POLE: variants seen among roughly 807,000 people sequenced by gnomAD.
POLE encodes the protein DNA polymerase epsilon catalytic subunit A.
POLE carries 188 observed loss-of-function variants against 279.2 expected under a neutral mutation model. The observed-to-expected ratio is 0.67, with a 90% CI of 0.60 to 0.76. The LOEUF (loss-of-function observed/expected upper bound fraction) is 0.76. Ranked by LOEUF, POLE falls within the 30% of genes least tolerant of loss-of-function variation. POLE has a pLI of 0.00. For missense variants in POLE, 2,703 were observed against 3,016.7 expected, an observed-to-expected ratio of 0.90 and a Z score of 2.44; for synonymous variants, 1,214 against 1,172.5, an observed-to-expected ratio of 1.04 and a Z score of -0.72.
In POLE at chr12:132,642,510, T is replaced by C. The variant is rs1060500881; in HGVS notation, c.4948A>G (p.Ser1650Gly). The change falls in exon 37 of 49, where the codon AGC (serine) becomes GGC (glycine). Residue 1650 changes from serine to glycine, a missense_variant. Ser to Gly is a moderately conservative substitution (Grantham distance 56). Transcript: ENST00000320574. ...DTCLSQAFEM[S>G]RYFHIPIGNL... is the part of the protein sequence containing the mutation. ...CAACGACAGTACTGTGCTCACCTGC[T>C]CATCTCGAAGGCCTGCGACAGGCAG... 6.2e-7 allele frequency: 1 copy of C among 1,613,410 alleles called. No homozygotes were observed. Among genetic ancestry groups the C allele is most frequent in the Non-Finnish European group, 8.5e-7 (1 of 1,179,890 alleles).
intron 41 of POLE, among the ~76,000 whole-genome samples, chr12:132,636,461 A>AG (rs1227893351): frequency 6.6e-6 from 1 of 151,234 alleles, no homozygotes; most frequent in Non-Finnish European, 1.5e-5. Context: ...AAAAAAAAAA[A>AG]AAAAAAAGAA....
chr12:132,642,205 C>G lies in POLE; in HGVS notation c.5145G>C (p.Glu1715Asp). 6.3e-7 allele frequency: 1 copy of G among 1,598,900 alleles called. No homozygotes were observed. Among genetic ancestry groups the G allele is most frequent in the Non-Finnish European group, 8.5e-7 (1 of 1,172,550 alleles). ...VMEFDDQATV[E>D]INSSGCYSTV... is the part of the protein sequence containing the mutation. ...TGGAGTAACAGCCTGAACTGTTGAT[C>G]TCAACAGTGGCTTGGTCATCGAACT... The change falls in exon 38 of 49, where the codon GAG becomes GAC. Residue 1715 changes from glutamate (E) to aspartate (D), a missense_variant. Physicochemically the swap from Glu to Asp is conservative, Grantham distance 45. Around this residue, in one of 5 missense-constraint regions of POLE, gnomAD observed 1,551 missense variants for 1,686.1 expected, o/e 0.92. Coordinates refer to ENST00000320574, the MANE Select transcript of POLE (RefSeq NM_006231.4).
chr12:132,668,947 G>C lies in POLE; in HGVS notation c.1795-8C>G. On this transcript the variant is annotated splice_polypyrimidine_tract_variant and splice_region_variant and intron_variant, in intron 16 of 48. Transcript: ENST00000320574. The surrounding 1 kb of genome is among the most constrained non-coding windows in gnomAD (Gnocchi z 4.0). ...CTTAATCTCATCACACACCTGCAGA[G>C]AAAGCGAAACTCAGTAGAGGCTGGT... 1 of 1,613,376 alleles carries C rather than the reference G, an allele frequency of 6.2e-7. No homozygotes were observed.
chr12:132,681,091 A>T (rs1435914534), intron 2 of POLE, 47 bp downstream of exon 2: 1 of 1,608,286 alleles, frequency 6.2e-7, no homozygotes, highest in Non-Finnish European at 8.5e-7. Context: ...CTATGACCAG[A>T]AGGGTTGCAG....
chr12:132,671,699 A>G (rs1435743821), intron 16 of POLE, among the ~76,000 whole-genome samples: 2 of 151,436 alleles, frequency 1.3e-5, no homozygotes, highest in African/African-American at 4.8e-5. Flanking sequence ...AAAAAAAAAA[A>G]AAAGACCTGA....
In POLE at chr12:132,649,810, G is replaced by C. The variant is rs2042381974; in HGVS notation, c.3662C>G (p.Pro1221Arg). The C allele has an allele frequency of 1.2e-6, 2 of 1,614,178 alleles. No homozygotes were observed. Among genetic ancestry groups the C allele is most frequent in the Non-Finnish European group, 1.7e-6 (2 of 1,180,038 alleles). Reference protein sequence around the residue: ...DMEDFGLVKLPHPAAPVTVKR... With the variant: ...DMEDFGLVKLRHPAAPVTVKR... ...CACAGTGACAGGGGCTGCTGGGTGA[G>C]GCAGCTTTACGAGGCCGAAGTCCTC... Residue 1221 changes from proline to arginine, a missense_variant, in exon 30 of 49, where the codon CCT (proline) becomes CGT (arginine). By Grantham distance (103) the Pro-to-Arg change is moderately radical. Around this residue, in one of 5 missense-constraint regions of POLE, gnomAD observed 1,551 missense variants for 1,686.1 expected, o/e 0.92. Transcript: ENST00000320574.
chr12:132,654,522 T>A (rs2042491023), intron 29 of POLE, among the ~76,000 whole-genome samples: 1 of 152,238 alleles, frequency 6.6e-6, no homozygotes, highest in Admixed American at 6.5e-5. Flanking sequence ...TCCATTTTTT[T>A]AGGCTTTACT....
At chr12:132,662,883 C>T (rs1247867040) in intron 23 of POLE, among the ~76,000 whole-genome samples, 1 of 152,194 alleles carries the variant, frequency 6.6e-6, no homozygotes, top group Non-Finnish European at 1.5e-5. Flanking sequence ...CAAATCCACA[C>T]TGATGTCAAT....
At position 132,624,460 on chromosome 12, in the gene POLE, G is replaced by T. The variant is rs919066587; in HGVS notation, c.*237C>A. ...CCAGGGCACTCGCAGCCTCGCTCACGGCCTGCTTCTTCAGGTGCTCTGGCG... is the reference window on the plus strand; with the variant it reads ...CCAGGGCACTCGCAGCCTCGCTCACTGCCTGCTTCTTCAGGTGCTCTGGCG... On this transcript the variant is annotated 3_prime_UTR_variant, in exon 49 of 49. Coordinates refer to ENST00000320574, the MANE Select transcript of POLE (RefSeq NM_006231.4). 14 of 581,232 alleles carry T rather than the reference G, an allele frequency of 2.4e-5. No homozygotes were observed. The highest frequency in any genetic ancestry group is 3.7e-5 in the Non-Finnish European group (12 of 325,324). 36.0% of individuals were successfully genotyped at this position (581,232 alleles called of 1,614,324 possible).
At chr12:132,686,494 G>A (rs1251160212) in intron 1 of POLE, among the ~76,000 whole-genome samples, 6 of 152,012 alleles carry the variant, frequency 3.9e-5, no homozygotes, top group Non-Finnish European at 7.4e-5. Context: ...CAGCACTTTG[G>A]AAGGCCGAGG....
At position 132,682,243 on chromosome 12, in the gene POLE, G is replaced by A. The variant is rs535137125; in HGVS notation, c.63-964C>T. 1.3e-4 allele frequency among the ~76,000 whole-genome samples: 19 copies of A among 148,934 alleles called. No individual in the cohort carries two copies. In the South Asian group the frequency reaches 2.1e-3, roughly 17 times the overall value. On this transcript the variant is annotated intron_variant, in intron 1 of 48. Transcript: ENST00000320574. ...CAGGAGGTGGAGCTTGCAGTGAGCC[G>A]AGAACGCGCCACCACACTCCAGCCT...
chr12:132,671,227 C>T lies in POLE; in HGVS notation c.1794+988G>A, dbSNP rs144121195. On this transcript the variant is annotated intron_variant, in intron 16 of 48. Coordinates refer to ENST00000320574, the MANE Select transcript of POLE (RefSeq NM_006231.4). The stretch of plus-strand genomic sequence containing the variant: ...GCAGTAAGCCGAGATCATGCCATTG[C>T]ACTCCAGTGTGGGTGACAGAGCAAG... Among the ~76,000 whole-genome samples the T allele has an allele frequency of 6.2e-5, 8 of 130,034 alleles. No homozygotes were observed. The East Asian group carries it at 1.9e-3, about 30-fold the overall frequency. The allele number at this position is 130,034 out of a possible 152,430, so 85.3% of individuals were successfully genotyped here.
rs1060500796 is a variant in POLE, at chr12:132,668,664, T to G, written c.1997A>C (p.Lys666Thr). 2 of 1,613,438 alleles carry G rather than the reference T, an allele frequency of 1.2e-6. No individual in the cohort carries two copies. The highest frequency in any genetic ancestry group is 1.7e-6 in the Non-Finnish European group (2 of 1,179,462). The change falls in exon 18 of 49, where the codon AAG becomes ACG. Residue 666 changes from lysine (K) to threonine (T), a missense_variant. Lys to Thr is a moderately conservative substitution (Grantham distance 78). This residue lies in a region of POLE where 1,011 missense variants were observed against 1,111.7 expected (regional missense o/e 0.91). Coordinates refer to ENST00000320574, the MANE Select transcript of POLE (RefSeq NM_006231.4). This position sits in a 1 kb window ranked among gnomAD's most constrained non-coding sequence, Gnocchi z 4.0. ...CTCGCCCCTCCACTGCCAGGCCATC[T>G]TCCGCTGGCAGTTTGCTCCAGGCTT... Reference protein sequence around the residue: ...FNKPGANCQRKMAWQWRGEFM... With the variant: ...FNKPGANCQRTMAWQWRGEFM...
chr12:132,647,218 G>A (rs2042305796), intron 32 of POLE, among the ~76,000 whole-genome samples: 1 of 152,018 alleles, frequency 6.6e-6, no homozygotes, highest in South Asian at 2.1e-4. Context: ...AGGATTGCTT[G>A]AGCCCAAGAG....
At position 132,658,881 on chromosome 12, in the gene POLE, C is replaced by CAAAAAAAAAAAAAAAAAAAAAAAAAA. The variant is rs1167117347; in HGVS notation, c.3275+388_3275+413dup. Among the ~76,000 whole-genome samples the CAAAAAAAAAAAAAAAAAAAAAAAAAA allele has an allele frequency of 9.5e-4, 32 of 33,836 alleles. 6 individuals carry two copies. The highest frequency in any genetic ancestry group is 1.5e-3 in the Non-Finnish European group (26 of 17,928). 22.2% of individuals were successfully genotyped at this position (33,836 alleles called of 152,430 possible). ...ACTGGTCCTATTTGTATATAACCAC[C>CAAAAAAAAAAAAAAAAAAAAAAAAAA]AAAAAAAAAAAAAAAAAAAAAAAAA... is the stretch of plus-strand genomic sequence containing the variant. On this transcript the variant is annotated intron_variant, in intron 26 of 48. Coordinates refer to ENST00000320574, the MANE Select transcript of POLE (RefSeq NM_006231.4).
In POLE at chr12:132,675,372, G is replaced by T. The variant is rs915558201; in HGVS notation, c.1226+26C>A. On this transcript the variant is annotated intron_variant, in intron 12 of 48. Transcript: ENST00000320574. This position sits in a 1 kb window ranked among gnomAD's most constrained non-coding sequence, Gnocchi z 4.3. Reference sequence around the variant, plus strand: ...GATCTCGCTCACGGACAGCAGTGAGGAGCCATGCTGCTCTGTGGCCCCTAC... The same window carrying T: ...GATCTCGCTCACGGACAGCAGTGAGTAGCCATGCTGCTCTGTGGCCCCTAC... 2.7e-5 allele frequency: 43 copies of T among 1,611,426 alleles called. No individual in the cohort carries two copies. The highest frequency in any genetic ancestry group is 3.6e-5 in the Non-Finnish European group (42 of 1,178,822).
chr12:132,624,709 C>T lies in POLE; in HGVS notation c.6849G>A (p.Gln2283=), dbSNP rs2041793628. 6.2e-7 allele frequency: 1 copy of T among 1,608,868 alleles called. No homozygotes were observed. The highest frequency in any genetic ancestry group is 8.5e-7 in the Non-Finnish European group (1 of 1,175,576). The stretch of plus-strand genomic sequence containing the variant: ...GGCCCGGGGCTGGCTAATGGCCCAG[C>T]TGTGGGTTCTTCTGCAGCAGCCACT... ...TLEWLLQKNP[Q]LGH The change falls in exon 49 of 49, where the codon CAG becomes CAA. Residue 2283 remains glutamine, a synonymous_variant. Coordinates refer to ENST00000320574, the MANE Select transcript of POLE (RefSeq NM_006231.4).
chr12:132,634,664 C>T lies in POLE; in HGVS notation c.5812-286G>A, dbSNP rs551298753. ...ACTTTAATTGTTGAACTCCCACCCC[C>T]CAAGGACGAAAGAACCAGCCAGAGC... On this transcript the variant is annotated intron_variant, in intron 42 of 48. Transcript: ENST00000320574. The surrounding 1 kb of genome is among the most constrained non-coding windows in gnomAD (Gnocchi z 4.0). 1.3e-5 allele frequency among the ~76,000 whole-genome samples: 2 copies of T among 152,180 alleles called. No individual in the cohort carries two copies. The highest frequency in any genetic ancestry group is 2.4e-5 in the African/African-American group (1 of 41,436).
intron 29 of POLE, 54 bp from the exon 30 acceptor site, chr12:132,649,943 G>A (rs2138616330): frequency 6.6e-7 from 1 of 1,516,412 alleles, no homozygotes; most frequent in African/African-American, 1.4e-5. Flanking sequence ...GCGCAGGGTG[G>A]CTCATGCCTG....
Sources: allele counts gnomAD v4.1 joint callset (sites outside exome capture counted in the v4.1 genomes callset), GRCh38; gene constraint gnomAD v4.1.1; regional missense constraint gnomAD v4.1.1; non-coding constraint Gnocchi (gnomAD v3.1); transcripts MANE v1.5; gene names NCBI Gene and HGNC (gene_info 2026-07-23, HGNC 2026-07-21).